Variants in CSGALNACT1 observed in about 807,000 individuals in gnomAD.
CSGALNACT1 encodes beta4GalNAcT-1.
CSGALNACT1 carries 52 observed loss-of-function variants against 51.0 expected under a neutral mutation model. The observed-to-expected ratio is 1.02, with a 90% CI of 0.82 to 1.29. The LOEUF (loss-of-function observed/expected upper bound fraction) is 1.29, where lower values mean the gene tolerates loss of function less well. CSGALNACT1 is among the 50% of genes most tolerant of loss of function. CSGALNACT1 has a pLI of 0.00. For synonymous variants in CSGALNACT1, 341 were observed against 254.4 expected, an observed-to-expected ratio of 1.34 and a Z score of -3.24; for missense variants, 935 against 679.2, an observed-to-expected ratio of 1.38 and a Z score of -4.19.
chr8:19,523,980 C>A (rs1409754176), intron 3 of CSGALNACT1, among the ~76,000 whole-genome samples: 1 of 152,000 alleles, frequency 6.6e-6, no homozygotes, highest in African/African-American at 2.4e-5. Context: ...GGGAGAATAC[C>A]CAAATCATCA....
chr8:19,541,677 AGGCCTGAGCCACTGCACCT>A, intron 3 of CSGALNACT1, among the ~76,000 whole-genome samples: 1 of 149,350 alleles, frequency 6.7e-6, no homozygotes, highest in East Asian at 2.0e-4. Flanking sequence ...CTGGGATTAC[AGGCCTGAGCCACTGCACCT>A]GGCCTGGCTG....
chr8:19,646,633 C>T (rs376319528), intron 1 of CSGALNACT1, among the ~76,000 whole-genome samples: 1 of 152,266 alleles, frequency 6.6e-6, no homozygotes, highest in South Asian at 2.1e-4. Context: ...TACAAGAAAG[C>T]CCCGTCTATG....
chr8:19,582,618 G>A (rs2045818899), intron 3 of CSGALNACT1, among the ~76,000 whole-genome samples: 2 of 152,156 alleles, frequency 1.3e-5, no homozygotes, highest in African/African-American at 4.8e-5. Context: ...GCCAATGAGA[G>A]TCAATCTTGG....
chr8:19,542,623 G>C (rs1197431924), intron 3 of CSGALNACT1, among the ~76,000 whole-genome samples: 1 of 152,136 alleles, frequency 6.6e-6, no homozygotes, highest in Admixed American at 6.6e-5. Flanking sequence ...TTAAGAATCT[G>C]TGTAGAGATG....
chr8:19,576,257 G>A (rs1246170110), intron 3 of CSGALNACT1, among the ~76,000 whole-genome samples: 2 of 152,128 alleles, frequency 1.3e-5, no homozygotes, highest in African/African-American at 4.8e-5. Flanking sequence ...GTGCAGTGGG[G>A]TAATCTCAGC....
chr8:19,438,856 A>G (rs2060823773), intron 6 of CSGALNACT1, among the ~76,000 whole-genome samples: 1 of 152,238 alleles, frequency 6.6e-6, no homozygotes, highest in Non-Finnish European at 1.5e-5. Context: ...CAAAACTAGT[A>G]ACAAAGCATA....
chr8:19,451,064 G>C (rs1262932347), intron 5 of CSGALNACT1, among the ~76,000 whole-genome samples: 1 of 152,156 alleles, frequency 6.6e-6, no homozygotes, highest in Non-Finnish European at 1.5e-5. Context: ...TCAAGCTTTA[G>C]TGTCAAGCTT....
At chr8:19,412,043 G>C (rs1356978391) in intron 8 of CSGALNACT1, among the ~76,000 whole-genome samples, 1 of 152,110 alleles carries the variant, frequency 6.6e-6, no homozygotes, top group Non-Finnish European at 1.5e-5. Flanking sequence ...ATGTTGGCCA[G>C]GCTGGTCTCG....
At chr8:19,555,309 G>C (rs140443463) in intron 3 of CSGALNACT1, among the ~76,000 whole-genome samples, 44 of 152,200 alleles carry the variant, frequency 2.9e-4, no homozygotes, top group African/African-American at 9.4e-4. Context: ...AGCTCTCTAA[G>C]GGGGACCATC....
At chr8:19,595,615 A>T (rs1441701147) in intron 2 of CSGALNACT1, among the ~76,000 whole-genome samples, 2 of 151,818 alleles carry the variant, frequency 1.3e-5, no homozygotes, top group Non-Finnish European at 2.9e-5. Flanking sequence ...CATATTTGTA[A>T]TGTTAAAAAA....
intron 1 of CSGALNACT1, among the ~76,000 whole-genome samples, chr8:19,620,077 C>G (rs1564277022): frequency 6.6e-6 from 1 of 152,070 alleles, no homozygotes; most frequent in Non-Finnish European, 1.5e-5. Flanking sequence ...CTTTGGAAGG[C>G]CAAGGCAGGC....
chr8:19,418,468 T>G (rs1009826859), intron 8 of CSGALNACT1, among the ~76,000 whole-genome samples, 188 bp downstream of exon 7: 1 of 152,212 alleles, frequency 6.6e-6, no homozygotes, highest in Admixed American at 6.5e-5. Context: ...ATTTTCCACT[T>G]TAAATATTGC....
At chr8:19,589,088 C>A (rs751608606) in intron 3 of CSGALNACT1, among the ~76,000 whole-genome samples, 3 of 152,170 alleles carry the variant, frequency 2.0e-5, no homozygotes, top group Non-Finnish European at 2.9e-5. Flanking sequence ...TGTTTGTGGT[C>A]CTTTCCCATA....
intron 3 of CSGALNACT1, among the ~76,000 whole-genome samples, chr8:19,530,525 A>G (rs1445599247): frequency 6.6e-6 from 1 of 152,180 alleles, no homozygotes; most frequent in Non-Finnish European, 1.5e-5. Context: ...TTCAGTCGCT[A>G]AACTCTTACT....
chr8:19,736,056 A>G (rs974809234), intron 1 of CSGALNACT1, among the ~76,000 whole-genome samples: 3 of 152,212 alleles, frequency 2.0e-5, no homozygotes, highest in Non-Finnish European at 4.4e-5. Flanking sequence ...TAAGGCAAAA[A>G]AATGCTTCAA....
At chr8:19,525,258 C>G (rs1396560122) in intron 3 of CSGALNACT1, among the ~76,000 whole-genome samples, 3 of 152,156 alleles carry the variant, frequency 2.0e-5, no homozygotes, top group Middle Eastern at 3.4e-3. Flanking sequence ...CTAAAACACT[C>G]ATTGTGGGAG....
At chr8:19,470,225 T>C (rs941223751) in intron 4 of CSGALNACT1, among the ~76,000 whole-genome samples, 1 of 151,886 alleles carries the variant, frequency 6.6e-6, no homozygotes, top group Admixed American at 6.6e-5. Flanking sequence ...GGGATACAAA[T>C]AGAGAAAGCT....
At chr8:19,718,059 A>C (rs2062913410) in intron 1 of CSGALNACT1, among the ~76,000 whole-genome samples, 1 of 152,146 alleles carries the variant, frequency 6.6e-6, no homozygotes, top group African/African-American at 2.4e-5. Flanking sequence ...TGGGGCCCAG[A>C]GTCCCTTTTT....
At chr8:19,570,158 C>G (rs2042706823) in intron 3 of CSGALNACT1, among the ~76,000 whole-genome samples, 1 of 151,338 alleles carries the variant, frequency 6.6e-6, no homozygotes, top group South Asian at 2.1e-4. Context: ...CAGATATATT[C>G]ATATGTAAAA....
Sources: gnomAD v4.1 joint callset for allele counts (sites outside exome capture counted in the v4.1 genomes callset) on GRCh38, gnomAD v4.1.1 for gene constraint, MANE v1.5 for transcripts, NCBI Gene and HGNC (gene_info 2026-07-23, HGNC 2026-07-21) for gene names.